SEC14L5: variants seen among roughly 807,000 people sequenced by gnomAD.
The protein encoded by SEC14L5 is SEC14-like protein 5.
SEC14L5 carries 96 observed loss-of-function variants against 84.6 expected under a neutral mutation model. The ratio of observed to expected loss-of-function variants is 1.13; its 90% CI spans 0.96 to 1.34. The LOEUF is 1.34. SEC14L5 is among the 40% of genes most tolerant of loss of function. The pLI is 0.00. For missense variants in SEC14L5, 1,224 were observed against 942.5 expected (o/e 1.30, Z -3.91); for synonymous variants, 546 against 383.4 (o/e 1.42, Z -4.95).
In SEC14L5 at chr16:5,011,211, C is replaced by G. The variant is rs568832836; in HGVS notation, c.1917C>G (p.His639Gln). ...PGVDDVLTAL[H>Q]SPGPKCKLLY... ...TGGACGATGTCCTGACGGCTCTGCACAGCCCCGGGCCCAAGTGCAAACTTC... is the reference window on the plus strand; with the variant it reads ...TGGACGATGTCCTGACGGCTCTGCAGAGCCCCGGGCCCAAGTGCAAACTTC... The change falls in exon 15 of 16, where the codon CAC (histidine) becomes CAG (glutamine). Residue 639 changes from histidine (H) to glutamine (Q), a missense_variant. By Grantham distance (24) the His-to-Gln change is conservative. Coordinates refer to ENST00000251170, the MANE Select transcript of SEC14L5 (RefSeq NM_014692.2). 2.5e-6 allele frequency: 4 copies of G among 1,613,784 alleles called. No homozygotes were observed. Among genetic ancestry groups the G allele is most frequent in the South Asian group, 1.1e-5 (1 of 91,080 alleles).
In SEC14L5 at chr16:4,988,242, G is replaced by A. The variant is rs1479689819; in HGVS notation, c.307G>A (p.Ala103Thr). 2 of 1,613,576 alleles carry A rather than the reference G, an allele frequency of 1.2e-6. No homozygotes were observed. The highest frequency in any genetic ancestry group is 1.1e-5 in the South Asian group (1 of 91,070). ...CATCGAAGCGCACAATGAGACCTTC[G>A]CCAACCGCGTGGTGGTGAACGAGCA... ...LLIEAHNETF[A>T]NRVVVNEHCS... The change falls in exon 4 of 16, where the codon GCC becomes ACC. Residue 103 changes from alanine to threonine, a missense_variant. Ala to Thr is a moderately conservative substitution (Grantham distance 58, BLOSUM62 0). Transcript: ENST00000251170.
intron 15 of SEC14L5, among the ~76,000 whole-genome samples, chr16:5,011,658 G>A (rs1270629909): frequency 6.6e-6 from 1 of 152,176 alleles, no homozygotes; most frequent in Non-Finnish European, 1.5e-5. Flanking sequence ...TCCCCAAGTT[G>A]TTGCTTTCAG....
In SEC14L5 at chr16:5,008,478, C is replaced by G. The variant is rs775791471; in HGVS notation, c.1630C>G (p.Arg544Gly). The G allele has an allele frequency of 6.2e-7, 1 of 1,613,364 alleles. No homozygotes were observed. The highest frequency in any genetic ancestry group is 1.3e-5 in the African/African-American group (1 of 74,900). Residue 544 changes from arginine to glycine, a missense_variant, in exon 14 of 16, where the codon CGA becomes GGA. By Grantham distance (125) the Arg-to-Gly change is moderately radical. Transcript: ENST00000251170. ...SVITWDFDIL[R>G]GDVVFSLYHT... ...CATCACCTGGGACTTTGACATCCTG[C>G]GAGGGGACGTGGTGTTCAGCCTGTA...
intron 6 of SEC14L5, among the ~76,000 whole-genome samples, chr16:4,993,846 G>A (rs2142509612): frequency 6.6e-6 from 1 of 152,104 alleles, no homozygotes; most frequent in Admixed American, 6.6e-5. Flanking sequence ...CCCCACAAAA[G>A]TCTTAGTAAA....
At chr16:4,985,900 C>T (rs747754788) in intron 2 of SEC14L5, among the ~76,000 whole-genome samples, 34 of 151,702 alleles carry the variant, frequency 2.2e-4, no homozygotes, top group Non-Finnish European at 4.7e-4. Context: ...GTTGAATAGC[C>T]TGATGTTGGT....
intron 14 of SEC14L5, among the ~76,000 whole-genome samples, chr16:5,010,295 C>G (rs1955784655): frequency 6.7e-6 from 1 of 149,318 alleles, no homozygotes; most frequent in African/African-American, 2.5e-5. Context: ...ACCTAGGAGG[C>G]AGAGGTTGCA....
intron 2 of SEC14L5, among the ~76,000 whole-genome samples, chr16:4,972,648 G>A (rs1955294625): frequency 1.3e-5 from 2 of 152,194 alleles, no homozygotes; most frequent in South Asian, 2.1e-4. Flanking sequence ...CAGCCGTGTC[G>A]TGGCAGGTGC....
At chr16:5,009,137 C>A (rs1325876204) in intron 14 of SEC14L5, among the ~76,000 whole-genome samples, 1 of 152,144 alleles carries the variant, frequency 6.6e-6, no homozygotes, top group Non-Finnish European at 1.5e-5. Flanking sequence ...CTGTCCTAGC[C>A]TTAGGTAACT....
At chr16:5,013,973 G>A (rs79066921) in intron 15 of SEC14L5, among the ~76,000 whole-genome samples, 4,776 of 152,244 alleles carry the variant, frequency 0.031, 272 homozygotes, top group African/African-American at 0.11. Context: ...GATGACAGGC[G>A]TAAGCCATGG....
At chr16:4,974,346 C>T (rs1249854413) in intron 2 of SEC14L5, among the ~76,000 whole-genome samples, 2 of 151,906 alleles carry the variant, frequency 1.3e-5, no homozygotes, top group Non-Finnish European at 2.9e-5. Flanking sequence ...GGACCACAGG[C>T]ACGCACCATC....
chr16:4,988,196 C>T lies in SEC14L5; in HGVS notation c.261C>T (p.Asn87=). 8 of 1,609,446 alleles carry T rather than the reference C, an allele frequency of 5.0e-6. 1 individual carries two copies. The South Asian group carries it at 7.7e-5, about 15-fold the overall frequency. The change falls in exon 4 of 16, where the codon AAC becomes AAT. Residue 87 remains asparagine (N), a synonymous_variant. Coordinates refer to ENST00000251170, the MANE Select transcript of SEC14L5 (RefSeq NM_014692.2). The stretch of plus-strand genomic sequence containing the variant: ...TCTTCGTGCAGACAAACATCTTGAA[C>T]TGGAAGGAGAGGACGCTCCTCATCG... ...HVVFVQTNIL[N]WKERTLLIEA...
Position 4,988,185 on chromosome 16 carries a change from A to G in SEC14L5, c.250A>G (p.Asn84Asp). 6.2e-7 allele frequency: 1 copy of G among 1,613,834 alleles called. No homozygotes were observed. Among genetic ancestry groups the G allele is most frequent in the Non-Finnish European group, 8.5e-7 (1 of 1,179,804 alleles). ...GVEHVVFVQT[N>D]ILNWKERTLL... The stretch of plus-strand genomic sequence containing the variant: ...TGAGCACGTGGTCTTCGTGCAGACA[A>G]ACATCTTGAACTGGAAGGAGAGGAC... Residue 84 changes from asparagine to aspartate, a missense_variant, in exon 4 of 16, where the codon AAC (asparagine) becomes GAC (aspartate). Coordinates refer to ENST00000251170, the MANE Select transcript of SEC14L5 (RefSeq NM_014692.2).
intron 6 of SEC14L5, among the ~76,000 whole-genome samples, chr16:4,994,120 G>A (rs986847681): frequency 3.3e-5 from 5 of 152,126 alleles, no homozygotes; most frequent in Non-Finnish European, 5.9e-5. Flanking sequence ...CATGGAAAAT[G>A]TTTACAATAT....
At chr16:4,973,329 G>A (rs1056531429) in intron 2 of SEC14L5, among the ~76,000 whole-genome samples, 1 of 146,314 alleles carries the variant, frequency 6.8e-6, no homozygotes, top group African/African-American at 2.5e-5. Flanking sequence ...GCTGGGATGA[G>A]CAGTGGCTTT....
intron 13 of SEC14L5, 33 bp from the exon 14 acceptor site, chr16:5,008,388 C>G: frequency 6.6e-7 from 1 of 1,513,878 alleles, no homozygotes; most frequent in Non-Finnish European, 9.1e-7. Flanking sequence ...CTCTCTCGGC[C>G]GTGACTCTCA....
At chr16:4,995,892 C>G (rs1368723093) in intron 6 of SEC14L5, among the ~76,000 whole-genome samples, 1 of 152,114 alleles carries the variant, frequency 6.6e-6, no homozygotes, top group Non-Finnish European at 1.5e-5. Context: ...TCCCAAAGTC[C>G]TGGGATTACA....
In SEC14L5 at chr16:5,011,213, G is replaced by GC. The variant is rs1205472785; in HGVS notation, c.1923dup (p.Gly642ArgfsTer11). On this transcript the variant is annotated frameshift_variant, in exon 15 of 16. Coordinates refer to ENST00000251170, the MANE Select transcript of SEC14L5 (RefSeq NM_014692.2). LOFTEE classifies it high-confidence loss of function. ...GACGATGTCCTGACGGCTCTGCACA[G>GC]CCCCGGGCCCAAGTGCAAACTTCTC... 6.2e-7 allele frequency: 1 copy of GC among 1,613,886 alleles called. No individual in the cohort carries two copies. The highest frequency in any genetic ancestry group is 8.5e-7 in the Non-Finnish European group (1 of 1,179,884).
In SEC14L5 at chr16:5,010,788, C is replaced by G. The variant is rs1955790477; in HGVS notation, c.1801-307C>G. The G allele has an allele frequency of 1.4e-5, 5 of 362,944 alleles. No individual in the cohort carries two copies. The South Asian group carries it at 3.6e-4, about 26-fold the overall frequency. The allele number at this position is 362,944 out of a possible 1,614,324, so 22.5% of individuals were successfully genotyped here. On this transcript the variant is annotated intron_variant, in intron 14 of 15. Transcript: ENST00000251170. ...CCCTTGGTTTGCAAATCCCACTCAG[C>G]AGAGCAAAAGCCCCACAAAATCCAG...
chr16:4,994,390 C>T (rs763292274), intron 6 of SEC14L5, among the ~76,000 whole-genome samples: 17 of 152,096 alleles, frequency 1.1e-4, no homozygotes, highest in Non-Finnish European at 5.9e-5. Flanking sequence ...GTCACCCAGG[C>T]TGGAGTGCAG....
Sources: gnomAD v4.1 joint callset for allele counts (sites outside exome capture counted in the v4.1 genomes callset) on GRCh38, gnomAD v4.1.1 for gene constraint, MANE v1.5 for transcripts, NCBI Gene and HGNC (gene_info 2026-07-23, HGNC 2026-07-21) for gene names.